The following ARL15 variants were observed in gnomAD, a reference collection of about 807,000 sequenced individuals.
The protein encoded by ARL15 is ARF like GTPase 15.
ARL15 carries 19 observed loss-of-function variants against 25.2 expected under a neutral mutation model. That is an observed-to-expected ratio of 0.75 (90% CI 0.53 to 1.10). ARL15 has a LOEUF of 1.10. Among genes scored for constraint, ARL15 ranks in the 50% least tolerant of loss-of-function variants. ARL15 has a pLI of 0.00. For missense variants in ARL15, 220 were observed against 246.0 expected, an observed-to-expected ratio of 0.89 and a Z score of 0.71; for synonymous variants, 94 against 86.8, an observed-to-expected ratio of 1.08 and a Z score of -0.46.
At chr5:54,032,476 C>T (rs1750022811) in intron 4 of ARL15, among the ~76,000 whole-genome samples, 2 of 152,102 alleles carry the variant, frequency 1.3e-5, no homozygotes, top group South Asian at 2.1e-4. Flanking sequence ...CTCAAGTGAT[C>T]CACAGGTCTT....
At chr5:53,899,072 C>T (rs904485668) in intron 4 of ARL15, among the ~76,000 whole-genome samples, 3 of 151,962 alleles carry the variant, frequency 2.0e-5, no homozygotes, top group Admixed American at 6.6e-5. Flanking sequence ...ACTGGCTGTG[C>T]GTCTTGGCTC....
intron 1 of ARL15, among the ~76,000 whole-genome samples, chr5:54,199,770 T>C (rs920316204): frequency 3.6e-5 from 5 of 138,738 alleles, no homozygotes; most frequent in Non-Finnish European, 6.2e-5. Context: ...GAAATACCAT[T>C]TGACCCAGCC....
At chr5:54,260,620 C>T (rs1198769909) in intron 1 of ARL15, among the ~76,000 whole-genome samples, 1 of 152,190 alleles carries the variant, frequency 6.6e-6, no homozygotes, top group East Asian at 1.9e-4. Context: ...AAAAGTCCTA[C>T]TGGTTTCAAC....
intron 4 of ARL15, among the ~76,000 whole-genome samples, chr5:53,970,452 T>A (rs1411113422): frequency 6.6e-6 from 1 of 152,060 alleles, no homozygotes; most frequent in Non-Finnish European, 1.5e-5. Flanking sequence ...TCTCTCATCC[T>A]AAACACTATA....
intron 4 of ARL15, among the ~76,000 whole-genome samples, chr5:53,902,518 TATGAAAAAACAACAGCAGTAGTAA>T: frequency 6.6e-6 from 1 of 152,260 alleles, no homozygotes; most frequent in Non-Finnish European, 1.5e-5. Context: ...AGCTGTCGGG[TATGAAAAAACAACAGCAGTAGTAA>T]CAAATCAAAA....
chr5:53,981,738 A>C (rs1221286162), intron 4 of ARL15, among the ~76,000 whole-genome samples: 1 of 151,942 alleles, frequency 6.6e-6, no homozygotes, highest in Non-Finnish European at 1.5e-5. Flanking sequence ...TCTATTAAAA[A>C]TACAAAAAAA....
At chr5:54,241,733 A>C (rs749305155) in intron 1 of ARL15, among the ~76,000 whole-genome samples, 2 of 151,864 alleles carry the variant, frequency 1.3e-5, no homozygotes, top group Non-Finnish European at 2.9e-5. Context: ...TGTAGCAAGC[A>C]CCTAAGGTTT....
At chr5:54,134,007 T>C (rs187971241) in intron 3 of ARL15, among the ~76,000 whole-genome samples, 66 of 152,264 alleles carry the variant, frequency 4.3e-4, no homozygotes, top group Non-Finnish European at 7.6e-4. Flanking sequence ...TTAAGTTAAC[T>C]CAAGTCTCCA....
At chr5:54,272,605 A>G (rs1361386092) in intron 1 of ARL15, among the ~76,000 whole-genome samples, 1 of 152,152 alleles carries the variant, frequency 6.6e-6, no homozygotes, top group East Asian at 1.9e-4. Context: ...TCAAGAAAAA[A>G]AGCCTCTCCA....
At chr5:54,262,839 A>C (rs545383884) in intron 1 of ARL15, among the ~76,000 whole-genome samples, 1 of 152,330 alleles carries the variant, frequency 6.6e-6, no homozygotes, top group East Asian at 1.9e-4. Context: ...TAGACAGGAA[A>C]CCAGATAATG....
intron 1 of ARL15, among the ~76,000 whole-genome samples, chr5:54,188,396 A>C (rs1755297048): frequency 6.6e-6 from 1 of 152,180 alleles, no homozygotes; most frequent in African/African-American, 2.4e-5. Flanking sequence ...TATACAAGGA[A>C]TTATGACTCC....
chr5:53,932,220 G>A lies in ARL15; in HGVS notation c.463-45507C>T, dbSNP rs1038124363. Among the ~76,000 whole-genome samples the A allele has an allele frequency of 4.6e-5, 7 of 152,318 alleles. No homozygotes were observed. In the South Asian group the frequency reaches 1.0e-3, roughly 23 times the overall value. On this transcript the variant is annotated intron_variant, in intron 4 of 4. Coordinates refer to ENST00000504924, the MANE Select transcript of ARL15 (RefSeq NM_019087.3). ...AAACCTTATAAGGAAGGGAACTTCC[G>A]CTTATTAAGAAAGAATCAGGATAAA...
At chr5:54,292,078 C>G (rs1176414343) in intron 1 of ARL15, among the ~76,000 whole-genome samples, 1 of 152,206 alleles carries the variant, frequency 6.6e-6, no homozygotes, top group Non-Finnish European at 1.5e-5. Context: ...GTGCCCAACT[C>G]AGGTGGTAGT....
At chr5:53,910,534 T>G (rs1332554955) in intron 4 of ARL15, among the ~76,000 whole-genome samples, 1 of 150,858 alleles carries the variant, frequency 6.6e-6, no homozygotes, top group Non-Finnish European at 1.5e-5. Flanking sequence ...AATGACGAGT[T>G]AATGGGTGCA....
At chr5:53,962,732 C>G (rs550761554) in intron 4 of ARL15, among the ~76,000 whole-genome samples, 2 of 152,142 alleles carry the variant, frequency 1.3e-5, no homozygotes, top group East Asian at 3.9e-4. Context: ...TTCATTTAAA[C>G]TGGATCAAAG....
chr5:54,186,134 A>G (rs1755228894), intron 1 of ARL15, among the ~76,000 whole-genome samples: 3 of 152,328 alleles, frequency 2.0e-5, no homozygotes, highest in South Asian at 4.1e-4. Context: ...ATAAATTTCT[A>G]TGTAGACCTA....
intron 4 of ARL15, among the ~76,000 whole-genome samples, chr5:54,096,458 G>A (rs1752290055): frequency 6.6e-6 from 1 of 152,190 alleles, no homozygotes; most frequent in Admixed American, 6.5e-5. Flanking sequence ...CCGTCACCCA[G>A]GCTGGAGTGC....
chr5:54,169,094 A>G (rs1301303605), intron 2 of ARL15, among the ~76,000 whole-genome samples: 1 of 152,150 alleles, frequency 6.6e-6, no homozygotes, highest in Non-Finnish European at 1.5e-5. Context: ...CTAGTGCACA[A>G]TTCTGGTAAA....
intron 4 of ARL15, among the ~76,000 whole-genome samples, chr5:54,014,811 T>C (rs1006136942): frequency 2.0e-5 from 3 of 151,994 alleles, no homozygotes; most frequent in Admixed American, 1.3e-4. Context: ...CAAGATCGTA[T>C]ATAAGCTTCT....
Sources: gnomAD v4.1 joint callset for allele counts (sites outside exome capture counted in the v4.1 genomes callset) on GRCh38, gnomAD v4.1.1 for gene constraint, MANE v1.5 for transcripts, NCBI Gene and HGNC (gene_info 2026-07-23, HGNC 2026-07-21) for gene names.